Variants in ARHGAP18 observed in about 807,000 individuals in gnomAD.
ARHGAP18 encodes rho GTPase-activating protein 18.
In ARHGAP18, 67 loss-of-function variants were observed where a neutral mutation model predicts 86.2. That is an observed-to-expected ratio of 0.78 (90% CI 0.64 to 0.95). The LOEUF is 0.95. Among genes scored for constraint, ARHGAP18 ranks in the 40% least tolerant of loss-of-function variants. The pLI is 0.00. For missense variants in ARHGAP18, 691 were observed against 780.4 expected (o/e 0.89, Z 1.37); for synonymous variants, 283 against 280.4 (o/e 1.01, Z -0.09).
At chr6:129,599,554 G>T (rs1385473743) in intron 11 of ARHGAP18, among the ~76,000 whole-genome samples, 198 bp from the exon 12 acceptor site, 2 of 152,090 alleles carry the variant, frequency 1.3e-5, no homozygotes, top group South Asian at 2.1e-4. Context: ...GGTGTACAGG[G>T]CATCCACGTG....
At chr6:129,675,397 A>AT (rs1169384980) in intron 1 of ARHGAP18, among the ~76,000 whole-genome samples, 2 of 151,854 alleles carry the variant, frequency 1.3e-5, no homozygotes, top group African/African-American at 4.8e-5. Flanking sequence ...AAAAAAAAAA[A>AT]AAAAGAGGTT....
intron 1 of ARHGAP18, among the ~76,000 whole-genome samples, chr6:129,644,145 T>C (rs1245575561): frequency 1.3e-5 from 2 of 152,132 alleles, no homozygotes; most frequent in Non-Finnish European, 2.9e-5. Flanking sequence ...CTAGACATGT[T>C]TGTGAATCTC....
intron 3 of ARHGAP18, among the ~76,000 whole-genome samples, chr6:129,636,935 A>G (rs1773344609): frequency 6.6e-6 from 1 of 152,244 alleles, no homozygotes; most frequent in Non-Finnish European, 1.5e-5. Flanking sequence ...GATGAAAGAA[A>G]CAAGGATCAT....
intron 10 of ARHGAP18, among the ~76,000 whole-genome samples, chr6:129,604,631 T>C (rs1788816229): frequency 6.6e-6 from 1 of 152,174 alleles, no homozygotes; most frequent in Admixed American, 6.5e-5. Flanking sequence ...AGCCACAATC[T>C]ACACACACTT....
intron 1 of ARHGAP18, among the ~76,000 whole-genome samples, chr6:129,693,586 T>C (rs1316350908): frequency 1.3e-5 from 2 of 152,280 alleles, no homozygotes; most frequent in East Asian, 1.9e-4. Context: ...GACCACAGCC[T>C]GCCATAGAAA....
chr6:129,657,191 A>G (rs1400042311), intron 1 of ARHGAP18, among the ~76,000 whole-genome samples: 1 of 152,216 alleles, frequency 6.6e-6, no homozygotes, highest in African/African-American at 2.4e-5. Context: ...AAGCCTAATC[A>G]TAAATGTTTT....
At chr6:129,647,522 TC>T (rs1773604889) in intron 1 of ARHGAP18, among the ~76,000 whole-genome samples, 1 of 152,316 alleles carries the variant, frequency 6.6e-6, no homozygotes, top group East Asian at 1.9e-4. Context: ...TCTTATAAGA[TC>T]CTTTCTAAAA....
intron 1 of ARHGAP18, among the ~76,000 whole-genome samples, chr6:129,652,206 C>T (rs554774987): frequency 6.6e-6 from 1 of 152,330 alleles, no homozygotes; most frequent in Non-Finnish European, 1.5e-5. Flanking sequence ...TGCCTGAAGC[C>T]CCCTCGCAGT....
rs922134173 is a variant in ARHGAP18 at position 129,664,410 on chromosome 6, G to GT, written c.114-22393dup. ...AGGAAAGTTAGACTGGCTACTTAAG[G>GT]TTTTTTTTTTTCAACTTTGAAATCC... On this transcript the variant is annotated intron_variant, in intron 1 of 14. Coordinates refer to ENST00000368149, the MANE Select transcript of ARHGAP18 (RefSeq NM_033515.3). Among the ~76,000 whole-genome samples, 1,452 of 146,488 alleles carry GT rather than the reference G, an allele frequency of 9.9e-3. 21 individuals carry two copies. The highest frequency in any genetic ancestry group is 0.031 in the African/African-American group (1,234 of 40,108).
chr6:129,623,172 T>C (rs1789268757), intron 5 of ARHGAP18, among the ~76,000 whole-genome samples: 1 of 152,090 alleles, frequency 6.6e-6, no homozygotes, highest in Non-Finnish European at 1.5e-5. Flanking sequence ...ATTTCATCAC[T>C]AATAATAAAC....
intron 12 of ARHGAP18, among the ~76,000 whole-genome samples, chr6:129,589,276 T>C (rs1449709372): frequency 6.6e-6 from 1 of 152,184 alleles, no homozygotes; most frequent in African/African-American, 2.4e-5. Context: ...CTTCAATGCT[T>C]TGCCGCTTAG....
At chr6:129,653,823 G>GGA (rs1562712242) in intron 1 of ARHGAP18, among the ~76,000 whole-genome samples, 4 of 101,630 alleles carry the variant, frequency 3.9e-5, no homozygotes, top group Middle Eastern at 5.4e-3. Context: ...AACATTTGAA[G>GGA]AAAAAAAAAA....
chr6:129,709,320 T>C (rs1202789461), intron 1 of ARHGAP18, among the ~76,000 whole-genome samples: 1 of 152,016 alleles, frequency 6.6e-6, no homozygotes, highest in Non-Finnish European at 1.5e-5. Flanking sequence ...TGGAACAAAG[T>C]ACACAGATAG....
At chr6:129,617,713 T>C (rs946340146) in intron 6 of ARHGAP18, among the ~76,000 whole-genome samples, 2 of 152,198 alleles carry the variant, frequency 1.3e-5, no homozygotes, top group Non-Finnish European at 2.9e-5. Flanking sequence ...ATTTCTATTT[T>C]ACGTTTGGAG....
intron 12 of ARHGAP18, among the ~76,000 whole-genome samples, chr6:129,592,559 A>C (rs1469472442): frequency 2.6e-5 from 4 of 152,210 alleles, no homozygotes; most frequent in Non-Finnish European, 5.9e-5. Context: ...CCAAGTTAAC[A>C]CTAACATTAA....
intron 10 of ARHGAP18, among the ~76,000 whole-genome samples, chr6:129,601,441 G>A (rs1052955220): frequency 2.6e-5 from 4 of 150,988 alleles, no homozygotes; most frequent in African/African-American, 9.8e-5. Flanking sequence ...GTCCAGCCTA[G>A]GCAACAGAGA....
In ARHGAP18 at chr6:129,611,527, G is replaced by T. The variant is rs1205024375; in HGVS notation, c.1122+6C>A. 7.4e-6 allele frequency: 12 copies of T among 1,611,970 alleles called. No individual in the cohort carries two copies. In the South Asian group the frequency reaches 1.3e-4, roughly 18 times the overall value. ...AATGTTTACATTAGTAGAACCCAGAGATTACCTTGATTCTAATGGCAGCTC... is the reference window on the plus strand; with the variant it reads ...AATGTTTACATTAGTAGAACCCAGATATTACCTTGATTCTAATGGCAGCTC... On this transcript the variant is annotated splice_donor_region_variant and intron_variant, in intron 8 of 14. Coordinates refer to ENST00000368149, the MANE Select transcript of ARHGAP18 (RefSeq NM_033515.3).
At chr6:129,592,070 A>C (rs1477186004) in intron 12 of ARHGAP18, among the ~76,000 whole-genome samples, 1 of 152,172 alleles carries the variant, frequency 6.6e-6, no homozygotes, top group Admixed American at 6.5e-5. Context: ...AGTTAATAAG[A>C]ATTTAATTTC....
intron 4 of ARHGAP18, among the ~76,000 whole-genome samples, chr6:129,631,627 T>C (rs941389923): frequency 6.6e-6 from 1 of 152,182 alleles, no homozygotes. Flanking sequence ...CTAGTCTCTT[T>C]TTAAGTGCAC....
Sources: allele counts gnomAD v4.1 joint callset (sites outside exome capture counted in the v4.1 genomes callset), GRCh38; gene constraint gnomAD v4.1.1; transcripts MANE v1.5; gene names NCBI Gene and HGNC (gene_info 2026-07-23, HGNC 2026-07-21).